The following CREBBP variants were observed in gnomAD, a reference collection of about 807,000 sequenced individuals.
The protein encoded by CREBBP is CREB binding lysine acetyltransferase, also known as CREB-binding protein.
In CREBBP, 19 loss-of-function variants were observed where a neutral mutation model predicts 265.0. That is an observed-to-expected ratio of 0.07 (90% CI 0.05 to 0.11). The LOEUF (loss-of-function observed/expected upper bound fraction) is 0.11. Ranked by LOEUF, CREBBP falls within the 10% of genes least tolerant of loss-of-function variation. The pLI, the probability that CREBBP is intolerant of heterozygous loss-of-function variation, is 1.00. For missense variants in CREBBP, 2,525 were observed against 3,219.0 expected (o/e 0.78, Z 5.22); for synonymous variants, 1,457 against 1,223.7 (o/e 1.19, Z -3.98).
chr16:3,769,110 G>C (rs2052933879), intron 15 of CREBBP, 64 bp downstream of exon 15: 1 of 1,588,874 alleles, frequency 6.3e-7, no homozygotes, highest in African/African-American at 1.3e-5. Context: ...TCCAAGCCTC[G>C]CCCGAGGACA....
At chr16:3,866,769 C>A (rs1270550463) in intron 1 of CREBBP, among the ~76,000 whole-genome samples, 2 of 152,084 alleles carry the variant, frequency 1.3e-5, no homozygotes, top group Non-Finnish European at 2.9e-5. Context: ...CCTACATACA[C>A]CATTAGCATA....
intron 5 of CREBBP, among the ~76,000 whole-genome samples, chr16:3,787,373 A>G (rs527443472): frequency 2.7e-4 from 41 of 152,298 alleles, no homozygotes; most frequent in Admixed American, 5.9e-4. Context: ...AAAGCTGTTC[A>G]GATGAAACAC....
intron 2 of CREBBP, among the ~76,000 whole-genome samples, chr16:3,827,092 C>CTGTAGTACACTATAG (rs2054251957): frequency 6.6e-6 from 1 of 151,846 alleles, no homozygotes; most frequent in Admixed American, 6.6e-5. Context: ...GAATTCAAGG[C>CTGTAGTACACTATAG]TGTAGTACAC....
In CREBBP at chr16:3,767,877, T is replaced by C. The variant is rs2052895734; in HGVS notation, c.3093A>G (p.Gln1031=). The change falls in exon 16 of 31, where the codon CAA becomes CAG. Residue 1031 remains glutamine (Q), a synonymous_variant. Transcript: ENST00000262367. Reference sequence around the variant, plus strand: ...CTGCTATGTCTGTTTCTTCTTTAACTTGGGAAGCTCCTTGCAAATCCTCCT... The same window carrying C: ...CTGCTATGTCTGTTTCTTCTTTAACCTGGGAAGCTCCTTGCAAATCCTCCT... ...MMEEDLQGAS[Q]VKEETDIAEQ... The C allele has an allele frequency of 1.9e-6, 3 of 1,614,078 alleles. No homozygotes were observed. The highest frequency in any genetic ancestry group is 1.3e-5 in the African/African-American group (1 of 74,934).
intron 16 of CREBBP, among the ~76,000 whole-genome samples, chr16:3,765,423 T>A (rs905254087): frequency 6.6e-6 from 1 of 152,220 alleles, no homozygotes; most frequent in Admixed American, 6.5e-5. Flanking sequence ...AGTAGCTGCT[T>A]GCCCTCGTGG....
chr16:3,769,073 C>G, intron 15 of CREBBP, 101 bp downstream of exon 15: 1 of 1,327,708 alleles, frequency 7.5e-7, no homozygotes, highest in Non-Finnish European at 1.1e-6. Flanking sequence ...AATATTTTAA[C>G]TAAAGTCAGG....
intron 1 of CREBBP, among the ~76,000 whole-genome samples, chr16:3,869,210 T>C (rs1274176819): frequency 2.6e-5 from 4 of 152,118 alleles, no homozygotes; most frequent in African/African-American, 9.7e-5. Flanking sequence ...CCTCAGTCAA[T>C]GCACAGTATG....
chr16:3,737,029 T>C, intron 26 of CREBBP: 1 of 629,222 alleles, frequency 1.6e-6, no homozygotes, highest in Non-Finnish European at 2.8e-6. Context: ...CACTTCTCCC[T>C]TGGGGTGCAC....
chr16:3,781,439 A>C, intron 6 of CREBBP, 133 bp from the exon 7 acceptor site: 2 of 720,116 alleles, frequency 2.8e-6, no homozygotes, highest in South Asian at 3.1e-5. Context: ...GGCCAGTTAT[A>C]GTAAGCACTG....
chr16:3,736,832 C>A lies in CREBBP; in HGVS notation c.4395-17G>T. 1 of 1,614,078 alleles carries A rather than the reference C, an allele frequency of 6.2e-7. No homozygotes were observed. Among genetic ancestry groups the A allele is most frequent in the African/African-American group, 1.3e-5 (1 of 75,042 alleles). On this transcript the variant is annotated splice_polypyrimidine_tract_variant and intron_variant, in intron 26 of 30. Transcript: ENST00000262367. ...GTCACATACCTGCAGGACCCACGCA[C>A]ACACGTCAGATGAACGTGCCAGTGA...
intron 2 of CREBBP, among the ~76,000 whole-genome samples, chr16:3,847,985 A>T (rs2054703589): frequency 6.6e-6 from 1 of 152,102 alleles, no homozygotes; most frequent in South Asian, 2.1e-4. Flanking sequence ...CTTGGCCAAC[A>T]TGGTGAAACT....
intron 3 of CREBBP, among the ~76,000 whole-genome samples, chr16:3,802,162 C>T (rs1291354104): frequency 1.3e-4 from 13 of 99,854 alleles, no homozygotes; most frequent in East Asian, 3.1e-4. Flanking sequence ...GACAGAGTCT[C>T]GCTCTGTCAC....
chr16:3,771,819 T>TAAA lies in CREBBP; in HGVS notation c.2464-836_2464-834dup, dbSNP rs1381915361. Among the ~76,000 whole-genome samples, 86 of 135,798 alleles carry TAAA rather than the reference T, an allele frequency of 6.3e-4. 1 individual carries two copies. The East Asian group carries it at 0.011, about 17-fold the overall frequency. 89.1% of individuals were successfully genotyped at this position (135,798 alleles called of 152,430 possible). On this transcript the variant is annotated intron_variant, in intron 13 of 30. Transcript: ENST00000262367. ...ATTTAAAACTTTTTTTTTTTTTTTT[T>TAAA]AAAAAAAAAAAGACAGAGTCTCGCT...
intron 1 of CREBBP, among the ~76,000 whole-genome samples, chr16:3,869,510 C>T (rs1271564409): frequency 6.6e-6 from 1 of 152,138 alleles, no homozygotes; most frequent in Non-Finnish European, 1.5e-5. Context: ...AAAGAAAACT[C>T]TAGACAAAGA....
chr16:3,870,400 A>G (rs1368851745), intron 1 of CREBBP, among the ~76,000 whole-genome samples: 1 of 152,212 alleles, frequency 6.6e-6, no homozygotes, highest in Non-Finnish European at 1.5e-5. Flanking sequence ...ATAAAATACT[A>G]TATTTATAAT....
intron 1 of CREBBP, among the ~76,000 whole-genome samples, chr16:3,875,266 T>C (rs780094280): frequency 2.0e-5 from 3 of 152,194 alleles, no homozygotes; most frequent in Non-Finnish European, 4.4e-5. Flanking sequence ...CCTACCTTCA[T>C]CCCTGACGAC....
In CREBBP at chr16:3,735,706, G is replaced by A. The variant is rs141608147; in HGVS notation, c.4728+330C>T. Among the ~76,000 whole-genome samples the A allele has an allele frequency of 1.5e-3, 223 of 152,270 alleles. 3 individuals carry two copies. The highest frequency in any genetic ancestry group is 5.1e-3 in the African/African-American group (213 of 41,540). On this transcript the variant is annotated intron_variant, in intron 28 of 30. Coordinates refer to ENST00000262367, the MANE Select transcript of CREBBP (RefSeq NM_004380.3). ...ATGTGCAGAGTGGCCACCAAACACG[G>A]AATAAGGCCTGGCAACCCTGTGCCT... is the stretch of plus-strand genomic sequence containing the variant.
chr16:3,781,088 C>T (rs1435540964), intron 7 of CREBBP, 116 bp downstream of exon 7: 9 of 1,101,496 alleles, frequency 8.2e-6, no homozygotes, highest in Non-Finnish European at 1.2e-5. Context: ...GCATTCACCC[C>T]TCACCACCCC....
rs371790216 is a variant in CREBBP at position 3,767,958 on chromosome 16, T to A, written c.3061-49A>T. Reference sequence around the variant, plus strand: ...CATATGAATATCAAACACCTTTATGTTACCGCAACCTCACGGGAAGACTCT... The same window carrying A: ...CATATGAATATCAAACACCTTTATGATACCGCAACCTCACGGGAAGACTCT... On this transcript the variant is annotated intron_variant, in intron 15 of 30. Transcript: ENST00000262367. 9 of 1,572,780 alleles carry A rather than the reference T, an allele frequency of 5.7e-6. No individual in the cohort carries two copies. The African/African-American group carries it at 8.1e-5, about 14-fold the overall frequency.
Sources: gnomAD v4.1 joint callset for allele counts (sites outside exome capture counted in the v4.1 genomes callset) on GRCh38, gnomAD v4.1.1 for gene constraint, MANE v1.5 for transcripts, NCBI Gene and HGNC (gene_info 2026-07-23, HGNC 2026-07-21) for gene names.